Variants in ZBTB20 observed in about 807,000 individuals in gnomAD.
The protein encoded by ZBTB20 is zinc finger and BTB domain-containing protein 20.
ZBTB20 carries 9 observed loss-of-function variants against 56.9 expected under a neutral mutation model. The observed-to-expected ratio is 0.16, with a 90% confidence interval of 0.10 to 0.28. The LOEUF is 0.28. Among genes scored for constraint, ZBTB20 ranks in the 10% least tolerant of loss-of-function variants. ZBTB20 has a pLI of 1.00. For synonymous variants in ZBTB20, 417 were observed against 420.7 expected, an observed-to-expected ratio of 0.99 and a Z score of 0.11; for missense variants, 655 against 1,003.0, an observed-to-expected ratio of 0.65 and a Z score of 4.69.
chr3:114,989,239 A>T (rs2078692423), intron 2 of ZBTB20, among the ~76,000 whole-genome samples: 1 of 152,158 alleles, frequency 6.6e-6, no homozygotes. Context: ...TTTTAGGTCT[A>T]ACATTTAAGT....
intron 5 of ZBTB20, among the ~76,000 whole-genome samples, chr3:114,794,876 G>C (rs2071232059): frequency 6.6e-6 from 1 of 151,964 alleles, no homozygotes; most frequent in African/African-American, 2.4e-5. Flanking sequence ...TATGCCTCCA[G>C]GTGCCCGGTC....
At chr3:114,616,143 A>G (rs1577975311) in intron 6 of ZBTB20, among the ~76,000 whole-genome samples, 4 of 152,242 alleles carry the variant, frequency 2.6e-5, no homozygotes, top group South Asian at 2.1e-4. Flanking sequence ...TGAACTGGGC[A>G]CTCCAGTACT....
chr3:114,483,005 A>G (rs2669900), intron 7 of ZBTB20, among the ~76,000 whole-genome samples: 129,760 of 152,190 alleles, frequency 0.85, 55,348 homozygotes, highest in East Asian at 0.89. Flanking sequence ...TAGGATTTAT[A>G]GCAGTACTGG....
intron 6 of ZBTB20, among the ~76,000 whole-genome samples, chr3:114,558,763 C>T (rs1476207474): frequency 6.6e-6 from 1 of 152,134 alleles, no homozygotes; most frequent in East Asian, 1.9e-4. Flanking sequence ...ATTCAAACTT[C>T]TCACTCTACA....
chr3:114,914,336 T>A (rs896084131), intron 3 of ZBTB20, among the ~76,000 whole-genome samples: 5 of 152,032 alleles, frequency 3.3e-5, no homozygotes, highest in Non-Finnish European at 7.4e-5. Context: ...TCTGTAGCTA[T>A]TATAAATTGA....
intron 6 of ZBTB20, among the ~76,000 whole-genome samples, chr3:114,660,294 T>G (rs1277644287): frequency 6.6e-6 from 1 of 152,132 alleles, no homozygotes; most frequent in Non-Finnish European, 1.5e-5. Flanking sequence ...ATTTTCACAT[T>G]CTCAAAGTCT....
At chr3:114,748,279 CTTCTTTCTTTCTTTCTTTCT>C (rs147900859) in intron 5 of ZBTB20, among the ~76,000 whole-genome samples, 59 of 104,528 alleles carry the variant, frequency 5.6e-4, no homozygotes, top group East Asian at 2.1e-3. Context: ...TTTGTTGTAG[CTTCTTTCTTTCTTTCTTTCT>C]TTCTTTCTTT....
intron 3 of ZBTB20, among the ~76,000 whole-genome samples, chr3:114,903,659 G>A (rs2075212454): frequency 1.3e-5 from 2 of 152,002 alleles, no homozygotes; most frequent in Non-Finnish European, 1.5e-5. Context: ...CAACACTGCC[G>A]AACTTCTCTG....
At position 115,036,851 on chromosome 3, in the gene ZBTB20, C is replaced by A. The variant is rs2080945740; in HGVS notation, c.-507+34368G>T. 2.0e-5 allele frequency among the ~76,000 whole-genome samples: 3 copies of A among 152,072 alleles called. No individual in the cohort carries two copies. The South Asian group carries it at 6.2e-4, about 32-fold the overall frequency. On this transcript the variant is annotated intron_variant, in intron 2 of 11. Transcript: ENST00000675478. ...CCCTGAGACTGAAAAATATATATAT[C>A]CATAGGAACCCATACAGAACTTACG...
intron 6 of ZBTB20, among the ~76,000 whole-genome samples, chr3:114,592,076 T>C (rs1302677406): frequency 2.0e-5 from 3 of 152,146 alleles, no homozygotes; most frequent in Admixed American, 2.0e-4. Flanking sequence ...ATGTATGTAG[T>C]CTAGATTATC....
chr3:114,763,427 A>G (rs916735060), intron 5 of ZBTB20, among the ~76,000 whole-genome samples: 2 of 152,158 alleles, frequency 1.3e-5, no homozygotes, highest in Non-Finnish European at 2.9e-5. Context: ...CTTTTTATCT[A>G]TGATACCTCA....
intron 4 of ZBTB20, among the ~76,000 whole-genome samples, chr3:114,819,389 C>G (rs2073117949): frequency 6.6e-6 from 1 of 151,630 alleles, no homozygotes; most frequent in South Asian, 2.1e-4. Context: ...AAAGCCAAAG[C>G]ATTTTTGAAA....
At chr3:114,563,610 C>T (rs1240191918) in intron 6 of ZBTB20, among the ~76,000 whole-genome samples, 1 of 152,138 alleles carries the variant, frequency 6.6e-6, no homozygotes, top group Non-Finnish European at 1.5e-5. Context: ...AAATTATTCT[C>T]ACTCTACAAT....
chr3:114,946,003 A>G (rs2076874977), intron 3 of ZBTB20, among the ~76,000 whole-genome samples: 1 of 145,832 alleles, frequency 6.9e-6, no homozygotes, highest in Non-Finnish European at 1.5e-5. Context: ...AACCAATAAC[A>G]TAAGCTTAAA....
intron 5 of ZBTB20, among the ~76,000 whole-genome samples, chr3:114,695,871 C>T (rs2062978099): frequency 1.3e-5 from 2 of 151,908 alleles, no homozygotes; most frequent in South Asian, 4.1e-4. Context: ...TAGAAAAATG[C>T]ATGTGGGAAT....
chr3:114,946,768 G>A (rs2076900212), intron 3 of ZBTB20, among the ~76,000 whole-genome samples: 1 of 145,344 alleles, frequency 6.9e-6, no homozygotes, highest in South Asian at 2.2e-4. Context: ...TCATTAATAA[G>A]ACACCAAAAG....
At chr3:114,681,024 C>T (rs1485348456) in intron 6 of ZBTB20, among the ~76,000 whole-genome samples, 2 of 152,168 alleles carry the variant, frequency 1.3e-5, no homozygotes, top group Non-Finnish European at 2.9e-5. Flanking sequence ...GACAGACTAA[C>T]ATTTACAAAG....
chr3:114,838,558 A>T (rs113375158), intron 4 of ZBTB20, among the ~76,000 whole-genome samples: 2,506 of 152,194 alleles, frequency 0.016, 76 homozygotes, highest in African/African-American at 0.056. Flanking sequence ...GGGGGGGGAA[A>T]GTCTCTGAAA....
chr3:114,974,583 T>C (rs1242137521), intron 2 of ZBTB20, among the ~76,000 whole-genome samples, 167 bp from the exon 3 acceptor site: 1 of 152,196 alleles, frequency 6.6e-6, no homozygotes, highest in Non-Finnish European at 1.5e-5. Context: ...AAGTACTCAG[T>C]AAAACGTGGC....
Sources: gnomAD v4.1 joint callset for allele counts (sites outside exome capture counted in the v4.1 genomes callset) on GRCh38, gnomAD v4.1.1 for gene constraint, MANE v1.5 for transcripts, NCBI Gene and HGNC (gene_info 2026-07-23, HGNC 2026-07-21) for gene names.